ZNF487: variants seen among roughly 807,000 people sequenced by gnomAD.
ZNF487 encodes the protein zinc finger protein 487.
Under a neutral mutation model 3.0 loss-of-function variants are expected in ZNF487, and 4 were observed. The ratio of observed to expected loss-of-function variants is 1.35; its 90% CI spans 0.66 to 3.08. The LOEUF (loss-of-function observed/expected upper bound fraction) is 3.08. Ranked by LOEUF, ZNF487 falls within the 30% of genes most tolerant of loss-of-function variation. The probability of loss-of-function intolerance (pLI) is 0.01; values close to 1 mark genes in which losing one functional copy is unlikely to be tolerated. For missense variants in ZNF487, 146 were observed against 98.7 expected (o/e 1.48, Z -2.03); for synonymous variants, 55 against 34.6 (o/e 1.59, Z -2.06).
chr10:43,463,122 T>A (rs2132096925), intron 1 of ZNF487, among the ~76,000 whole-genome samples: 1 of 151,930 alleles, frequency 6.6e-6, no homozygotes, highest in South Asian at 2.1e-4. Flanking sequence ...TAATCCCAGC[T>A]GCTCGGGAGG....
chr10:43,484,234 G>A (rs1057377439), downstream of ZNF487, among the ~76,000 whole-genome samples: 3 of 152,134 alleles, frequency 2.0e-5, no homozygotes, highest in African/African-American at 7.2e-5. Flanking sequence ...AACTATTTCT[G>A]CCTCATTTGA....
At chr10:43,463,589 T>G (rs1840517998) in intron 1 of ZNF487, among the ~76,000 whole-genome samples, 1 of 151,806 alleles carries the variant, frequency 6.6e-6, no homozygotes, top group Non-Finnish European at 1.5e-5. Flanking sequence ...CTCACTATGT[T>G]GCCCAGGTTG....
At chr10:43,522,462 G>A in the ZNF487 span, among the ~76,000 whole-genome samples, 79 of 151,884 alleles carry the variant, frequency 5.2e-4, no homozygotes, top group African/African-American at 1.7e-3. Flanking sequence ...CTTAGGGTGC[G>A]GTGGCTCATG....
intron 1 of ZNF487, among the ~76,000 whole-genome samples, chr10:43,464,388 T>C (rs533471889): frequency 3.6e-4 from 54 of 151,982 alleles, no homozygotes; most frequent in African/African-American, 1.3e-3. Context: ...TATTATTTTT[T>C]TTTATTGATC....
the ZNF487 span, among the ~76,000 whole-genome samples, chr10:43,521,687 T>G: frequency 6.6e-6 from 1 of 152,174 alleles, no homozygotes; most frequent in Non-Finnish European, 1.5e-5. Flanking sequence ...GATGAATTTG[T>G]TGTCACAAAA....
chr10:43,495,706 T>A, the ZNF487 span, among the ~76,000 whole-genome samples: 1 of 152,254 alleles, frequency 6.6e-6, no homozygotes, highest in East Asian at 1.9e-4. Context: ...TGTCTTTCAA[T>A]GATATAATTA....
the ZNF487 span, among the ~76,000 whole-genome samples, chr10:43,500,237 T>A: frequency 6.6e-6 from 1 of 152,066 alleles, no homozygotes; most frequent in African/African-American, 2.4e-5. Flanking sequence ...CTTGAACTCC[T>A]GAGCTCAAGT....
Position 43,482,423 on chromosome 10 carries a change from G to A in ZNF487, c.*501G>A, listed in dbSNP as rs1841396766. On this transcript the variant is annotated 3_prime_UTR_variant, in exon 4 of 4. Coordinates refer to ENST00000437590, the MANE Select transcript of ZNF487 (RefSeq NM_001355444.3). The stretch of plus-strand genomic sequence containing the variant: ...AGGAGAGAAACCCTATGAATGCACT[G>A]AATGTGGGAAAACTTTTGGATATAG... 2 of 470,644 alleles carry A rather than the reference G, an allele frequency of 4.2e-6. No individual in the cohort carries two copies. The highest frequency in any genetic ancestry group is 8.7e-6 in the Non-Finnish European group (2 of 230,868). The allele number at this position is 470,644 out of a possible 1,614,324, so 29.2% of individuals were successfully genotyped here.
rs1330488893 is a variant in ZNF487 at position 43,448,586 on chromosome 10, CA to C, written c.-94+11326del. Among the ~76,000 whole-genome samples, 5 of 151,838 alleles carry C rather than the reference CA, an allele frequency of 3.3e-5. No individual in the cohort carries two copies. The East Asian group carries it at 9.9e-4, about 30-fold the overall frequency. ...ATCCCAGCACATTGGGAGGCCGAGG[CA>C]AGTGGATCACTTGAGGCCAGGAGTT... On this transcript the variant is annotated intron_variant, in intron 1 of 3. Transcript: ENST00000437590.
chr10:43,488,753 A>G, the ZNF487 span, among the ~76,000 whole-genome samples: 1 of 152,178 alleles, frequency 6.6e-6, no homozygotes, highest in Non-Finnish European at 1.5e-5. Context: ...TGCTCAATAT[A>G]TATTCACTGA....
the ZNF487 span, among the ~76,000 whole-genome samples, chr10:43,501,623 C>A: frequency 2.0e-5 from 3 of 151,912 alleles, no homozygotes; most frequent in Non-Finnish European, 2.9e-5. Flanking sequence ...GCCTGTAGTC[C>A]CAGCTACTTG....
Position 43,481,420 on chromosome 10 carries a change from T to C in ZNF487, c.131-9T>C. ...TTTATAATCTGTGATAACTTATTAT[T>C]ATTTCTAGACTGCTGCATAGATGAT... On this transcript the variant is annotated splice_polypyrimidine_tract_variant and intron_variant, in intron 3 of 3. Transcript: ENST00000437590. 1.5e-6 allele frequency: 1 copy of C among 688,424 alleles called. No individual in the cohort carries two copies. The highest frequency in any genetic ancestry group is 2.7e-6 in the Non-Finnish European group (1 of 377,242). The allele number at this position is 688,424 out of a possible 1,614,324, so 42.6% of individuals were successfully genotyped here.
chr10:43,446,828 GAGGCCAAGGC>G (rs1400750931), intron 1 of ZNF487, among the ~76,000 whole-genome samples: 4 of 152,164 alleles, frequency 2.6e-5, no homozygotes, highest in Non-Finnish European at 5.9e-5. Flanking sequence ...AGCACTTTGG[GAGGCCAAGGC>G]AGGCGGCTGG....
the ZNF487 span, among the ~76,000 whole-genome samples, chr10:43,491,254 C>A: frequency 5.9e-5 from 9 of 151,838 alleles, no homozygotes; most frequent in Middle Eastern, 3.4e-3. Flanking sequence ...GATTACAGGC[C>A]TCTACTTCGT....
chr10:43,446,329 G>A (rs1207184347), intron 1 of ZNF487, among the ~76,000 whole-genome samples: 2 of 151,492 alleles, frequency 1.3e-5, no homozygotes, highest in South Asian at 2.1e-4. Context: ...CAGACGGGGT[G>A]GCCGGGCGGA....
downstream of ZNF487, among the ~76,000 whole-genome samples, chr10:43,488,165 ATTAC>A (rs1841486153): frequency 6.6e-6 from 1 of 151,912 alleles, no homozygotes; most frequent in African/African-American, 2.4e-5. Flanking sequence ...AAATAGATAA[ATTAC>A]TTATGATATA....
chr10:43,485,248 A>G (rs958224884), downstream of ZNF487, among the ~76,000 whole-genome samples: 3 of 152,260 alleles, frequency 2.0e-5, no homozygotes, highest in African/African-American at 7.2e-5. Flanking sequence ...TAGAATGGAA[A>G]TATAGAAATC....
the ZNF487 span, among the ~76,000 whole-genome samples, chr10:43,506,187 A>G: frequency 6.6e-6 from 1 of 152,186 alleles, no homozygotes; most frequent in Non-Finnish European, 1.5e-5. Flanking sequence ...CTGTAGATGA[A>G]GTCCCTGAGC....
chr10:43,465,261 C>G (rs1337271481), intron 1 of ZNF487, among the ~76,000 whole-genome samples: 1 of 149,862 alleles, frequency 6.7e-6, no homozygotes, highest in Non-Finnish European at 1.5e-5. Flanking sequence ...ACCTCCCTCC[C>G]GGACGGGGCG....
Sources: allele counts gnomAD v4.1 joint callset (sites outside exome capture counted in the v4.1 genomes callset), GRCh38; gene constraint gnomAD v4.1.1; transcripts MANE v1.5; gene names NCBI Gene and HGNC (gene_info 2026-07-23, HGNC 2026-07-21).